Variants in ZFAT observed in about 807,000 individuals in gnomAD.
ZFAT encodes the protein zinc finger protein ZFAT.
In ZFAT, 64 loss-of-function variants were observed where a neutral mutation model predicts 117.7. That is an observed-to-expected ratio of 0.54 (90% CI 0.44 to 0.67). The LOEUF (loss-of-function observed/expected upper bound fraction) is 0.67. ZFAT is among the 30% of genes least tolerant of loss of function. The pLI is 0.00. For synonymous variants in ZFAT, 679 were observed against 615.0 expected (o/e 1.10, Z -1.54); for missense variants, 1,433 against 1,584.5 (o/e 0.90, Z 1.62).
At chr8:134,592,370 G>A (rs377311514) in intron 7 of ZFAT, among the ~76,000 whole-genome samples, 14 of 152,266 alleles carry the variant, frequency 9.2e-5, no homozygotes, top group East Asian at 3.9e-4. Context: ...ACACTACACC[G>A]AGGGCAGAGC....
the ZFAT span, among the ~76,000 whole-genome samples, chr8:134,775,837 T>C: frequency 6.6e-6 from 1 of 152,174 alleles, no homozygotes. Flanking sequence ...CCAGACCCCA[T>C]AATAGTTGAA....
At chr8:134,604,770 G>T (rs1187572224) in intron 5 of ZFAT, among the ~76,000 whole-genome samples, 2 of 152,154 alleles carry the variant, frequency 1.3e-5, no homozygotes, top group Admixed American at 1.3e-4. Context: ...CAATCCACAT[G>T]ATGTAATTAC....
At chr8:134,823,609 T>C in the ZFAT span, among the ~76,000 whole-genome samples, 3 of 152,218 alleles carry the variant, frequency 2.0e-5, no homozygotes, top group African/African-American at 7.2e-5. Context: ...TCAGGCAGGA[T>C]AGCTCCAGGT....
the ZFAT span, among the ~76,000 whole-genome samples, chr8:134,825,257 A>T: frequency 6.6e-6 from 1 of 152,244 alleles, no homozygotes; most frequent in South Asian, 2.1e-4. Context: ...CCCAGGGAAA[A>T]GGCATACAAT....
In ZFAT at chr8:134,600,881, G is replaced by A. The variant is rs146448665; in HGVS notation, c.2243-213C>T. Among the ~76,000 whole-genome samples, 5 of 152,236 alleles carry A rather than the reference G, an allele frequency of 3.3e-5. No individual in the cohort carries two copies. In the East Asian group the frequency reaches 9.6e-4, roughly 29 times the overall value. ...AGGGTGCTACTATTTTTTGCATGAT[G>A]TTAGGGCCCAGAGAGGAGGAAGCCA... On this transcript the variant is annotated intron_variant, in intron 6 of 15. Transcript: ENST00000377838.
the ZFAT span, chr8:134,800,643 C>T: frequency 2.7e-5 from 12 of 448,824 alleles, no homozygotes; most frequent in East Asian, 1.3e-4. Flanking sequence ...TAAGTTTGTA[C>T]GGTTCTTTAC....
intron 1 of ZFAT, among the ~76,000 whole-genome samples, chr8:134,679,597 A>G (rs1041201517): frequency 6.6e-6 from 1 of 152,234 alleles, no homozygotes; most frequent in African/African-American, 2.4e-5. Flanking sequence ...GTATATATCC[A>G]AAGGATTATA....
intron 15 of ZFAT, among the ~76,000 whole-genome samples, chr8:134,493,343 T>C (rs917115804): frequency 6.6e-6 from 1 of 152,128 alleles, no homozygotes; most frequent in African/African-American, 2.4e-5. Flanking sequence ...GCTCTCTTCA[T>C]TGAGAGAGAA....
the ZFAT span, among the ~76,000 whole-genome samples, chr8:134,810,580 C>A: frequency 1.3e-5 from 2 of 152,150 alleles, no homozygotes; most frequent in African/African-American, 4.8e-5. Flanking sequence ...AGAGGCCACA[C>A]CTGTTCCTTC....
intron 10 of ZFAT, among the ~76,000 whole-genome samples, chr8:134,568,699 A>G (rs908462390): frequency 1.3e-5 from 2 of 152,238 alleles, no homozygotes; most frequent in African/African-American, 4.8e-5. Context: ...GCTAAAAGCC[A>G]TCCCTTACTG....
intron 13 of ZFAT, among the ~76,000 whole-genome samples, chr8:134,512,928 C>A (rs1215333551): frequency 1.3e-5 from 2 of 152,234 alleles, no homozygotes; most frequent in Non-Finnish European, 2.9e-5. Flanking sequence ...ATTCTAACGG[C>A]TCCTCTGTTT....
Position 134,558,220 on chromosome 8 carries a change from T to A in ZFAT, c.2976+7113A>T, listed in dbSNP as rs1213506131. 2.0e-5 allele frequency among the ~76,000 whole-genome samples: 3 copies of A among 152,270 alleles called. No homozygotes were observed. In the East Asian group the frequency reaches 5.8e-4, roughly 29 times the overall value. ...TTGTAAGAAGAAAGCCCCCTAACTC[T>A]CTTCATGAAAGAGCAAACCTGAGGT... is the stretch of plus-strand genomic sequence containing the variant. On this transcript the variant is annotated intron_variant, in intron 11 of 15. Coordinates refer to ENST00000377838, the MANE Select transcript of ZFAT (RefSeq NM_020863.4).
At chr8:134,505,009 C>T (rs1283580011) in intron 15 of ZFAT, among the ~76,000 whole-genome samples, 4 of 152,196 alleles carry the variant, frequency 2.6e-5, no homozygotes, top group Non-Finnish European at 5.9e-5. Context: ...CTCCTGGGTC[C>T]CTGGGCCACC....
chr8:134,504,453 G>A (rs930151211), intron 15 of ZFAT, among the ~76,000 whole-genome samples: 4 of 152,136 alleles, frequency 2.6e-5, no homozygotes, highest in African/African-American at 9.7e-5. Context: ...AAAGAAGAAA[G>A]GGCACGGTGC....
At chr8:134,636,061 T>A (rs1830192672) in intron 3 of ZFAT, among the ~76,000 whole-genome samples, 1 of 152,204 alleles carries the variant, frequency 6.6e-6, no homozygotes. Flanking sequence ...CTACAACTTG[T>A]ACAGATGTTG....
intron 10 of ZFAT, among the ~76,000 whole-genome samples, chr8:134,575,846 G>C (rs1825259469): frequency 6.6e-6 from 1 of 152,218 alleles, no homozygotes; most frequent in Non-Finnish European, 1.5e-5. Context: ...CACAGTTCTA[G>C]CATCTGTGGT....
At chr8:134,747,842 G>A in the ZFAT span, among the ~76,000 whole-genome samples, 1 of 152,100 alleles carries the variant, frequency 6.6e-6, no homozygotes, top group African/African-American at 2.4e-5. Context: ...GACCAAAGAC[G>A]TAAATTAATC....
chr8:134,583,163 T>A (rs535286918), intron 10 of ZFAT, among the ~76,000 whole-genome samples: 1 of 152,176 alleles, frequency 6.6e-6, no homozygotes, highest in African/African-American at 2.4e-5. Flanking sequence ...CTCCCCTCCA[T>A]CACTGCACTT....
chr8:134,715,670 G>T (rs1341834362), upstream of ZFAT, among the ~76,000 whole-genome samples: 2 of 152,180 alleles, frequency 1.3e-5, no homozygotes, highest in African/African-American at 2.4e-5. Context: ...AAGCTGCCTC[G>T]GTGATGGTTC....
Sources: allele counts gnomAD v4.1 joint callset (sites outside exome capture counted in the v4.1 genomes callset), GRCh38; gene constraint gnomAD v4.1.1; transcripts MANE v1.5; gene names NCBI Gene and HGNC (gene_info 2026-07-23, HGNC 2026-07-21).